Variants in ABCC9 observed in about 807,000 individuals in gnomAD.
The protein encoded by ABCC9 is ATP-binding cassette sub-family C member 9.
A neutral mutation model predicts 188.3 loss-of-function variants in ABCC9; 95 were observed. That is an observed-to-expected ratio of 0.50 (90% CI 0.43 to 0.60). The LOEUF is 0.60. ABCC9 is among the 20% of genes least tolerant of loss of function. The probability of loss-of-function intolerance (pLI) is 0.00; values close to 1 mark genes in which losing one functional copy is unlikely to be tolerated. For synonymous variants in ABCC9, 659 were observed against 652.7 expected (o/e 1.01, Z -0.15); for missense variants, 1,102 against 1,876.3 (o/e 0.59, Z 7.62).
intron 36 of ABCC9, among the ~76,000 whole-genome samples, chr12:21,811,149 C>T (rs1181599635): frequency 1.3e-5 from 2 of 152,010 alleles, no homozygotes; most frequent in Non-Finnish European, 2.9e-5. Context: ...TTATGAGATT[C>T]GATGGTTTTA....
At chr12:21,847,711 G>A (rs543940556) in intron 25 of ABCC9, among the ~76,000 whole-genome samples, 1 of 152,066 alleles carries the variant, frequency 6.6e-6, no homozygotes, top group Non-Finnish European at 1.5e-5. Context: ...ATCCTTCATG[G>A]CTATATTGTC....
intron 39 of ABCC9, among the ~76,000 whole-genome samples, chr12:21,803,122 C>T (rs1219470035): frequency 6.6e-6 from 1 of 151,680 alleles, no homozygotes; most frequent in Non-Finnish European, 1.5e-5. Flanking sequence ...ATTTTGGAGC[C>T]TAATGTTTAT....
rs942634173 is a variant in ABCC9 at position 21,834,820 on chromosome 12, C to T, written c.3566+3258G>A. On this transcript the variant is annotated intron_variant, in intron 30 of 39. Transcript: ENST00000261200. The stretch of plus-strand genomic sequence containing the variant: ...ACACACACACACACACACACACACA[C>T]ACACACAGTGCGCACATGAGGAGGG... 2.0e-5 allele frequency among the ~76,000 whole-genome samples: 3 copies of T among 150,678 alleles called. No individual in the cohort carries two copies. In the South Asian group the frequency reaches 6.3e-4, roughly 31 times the overall value.
rs11430045 is a variant in ABCC9 at position 21,829,191 on chromosome 12, CTTTTTTTTTTT to C, written c.3567-142_3567-132del. Reference sequence around the variant, plus strand: ...CATGGAATGATCAGTAAATAGATTTCTTTTTTTTTTTTTTTTTTTTTTTTTTTTCAGATGGA... The same window carrying C: ...CATGGAATGATCAGTAAATAGATTTCTTTTTTTTTTTTTTTTTCAGATGGA... On this transcript the variant is annotated intron_variant, in intron 30 of 39. Transcript: ENST00000261200. 4.6e-4 allele frequency: 105 copies of C among 230,696 alleles called. 1 individual carries two copies. The highest frequency in any genetic ancestry group is 1.4e-3 in the African/African-American group (30 of 21,822). 14.3% of individuals were successfully genotyped at this position (230,696 alleles called of 1,614,324 possible).
chr12:21,933,961 A>C, intron 3 of ABCC9, 38 bp from the exon 4 acceptor site: 1 of 1,611,894 alleles, frequency 6.2e-7, no homozygotes, highest in South Asian at 1.1e-5. Context: ...AAAAGACATA[A>C]ACCGAAGGCT....
intron 14 of ABCC9, among the ~76,000 whole-genome samples, chr12:21,892,794 T>G (rs964824538): frequency 2.0e-5 from 3 of 152,240 alleles, no homozygotes; most frequent in African/African-American, 7.2e-5. Context: ...GGCTTAAAAC[T>G]GAAGATTCTG....
At chr12:21,862,887 A>G (rs1268082451) in intron 20 of ABCC9, 66 bp downstream of exon 20, 1 of 1,063,708 alleles carries the variant, frequency 9.4e-7, no homozygotes, top group Non-Finnish European at 1.5e-6. Context: ...ACCATTGTTC[A>G]TTCCCAAACA....
At chr12:21,894,276 C>T (rs1947300951) in intron 13 of ABCC9, 102 bp from the exon 14 acceptor site, 2 of 1,284,528 alleles carry the variant, frequency 1.6e-6, no homozygotes, top group Non-Finnish European at 1.1e-6. Context: ...CCAGTATGTC[C>T]ATTGTAACTA....
chr12:21,915,402 G>A (rs1948534372), intron 7 of ABCC9, among the ~76,000 whole-genome samples: 1 of 125,900 alleles, frequency 7.9e-6, no homozygotes, highest in African/African-American at 2.9e-5. Flanking sequence ...ATATATGTAT[G>A]TGTATATAGA....
At chr12:21,894,003 C>T in intron 14 of ABCC9, 29 bp downstream of exon 14, 2 of 1,612,718 alleles carry the variant, frequency 1.2e-6, no homozygotes, top group Non-Finnish European at 1.7e-6. Context: ...TATCAATAAG[C>T]AAAAAATGCC....
rs1328692883 is a variant in ABCC9 at position 21,941,315 on chromosome 12, G to C, written c.-252C>G. The C allele has an allele frequency of 6.6e-6, 1 of 152,348 alleles. No homozygotes were observed. Among genetic ancestry groups the C allele is most frequent in the Non-Finnish European group, 1.5e-5 (1 of 68,118 alleles). The allele number at this position is 152,348 out of a possible 1,614,324, so 9.4% of individuals were successfully genotyped here. A position where few individuals can be genotyped will look rare whatever the true frequency, so the allele number is the denominator to read the frequency against. On this transcript the variant is annotated 5_prime_UTR_variant, in exon 1 of 40. Coordinates refer to ENST00000261200, the MANE Select transcript of ABCC9 (RefSeq NM_020297.4). This position sits in a 1 kb window ranked among gnomAD's most constrained non-coding sequence, Gnocchi z 5.4. ...ATCGAGTTTCTAAATTGCACAGACT[G>C]CTCTGGGCCGGGGCAGACACCGCGG...
Position 21,859,591 on chromosome 12 carries a change from A to G in ABCC9, c.2500T>C (p.Phe834Leu), listed in dbSNP as rs367776754. 11 of 1,613,788 alleles carry G rather than the reference A, an allele frequency of 6.8e-6. No homozygotes were observed. The African/African-American group carries it at 1.5e-4, about 22-fold the overall frequency. The change falls in exon 22 of 40, where the codon TTT (phenylalanine) becomes CTT (leucine). Residue 834 changes from phenylalanine to leucine, a missense_variant. Phe to Leu is a conservative substitution (Grantham distance 22). Transcript: ENST00000261200. ...RALYQNTNIV[F>L]LDDPFSALDI... ...AGGGAAGGCCATATTCTTACCAAAAAGACAATGTTGGTGTTTTGATACAGC... is the reference window on the plus strand; with the variant it reads ...AGGGAAGGCCATATTCTTACCAAAAGGACAATGTTGGTGTTTTGATACAGC...
At chr12:21,847,687 ATTCTAATT>A (rs59298022) in intron 25 of ABCC9, among the ~76,000 whole-genome samples, 81,482 of 151,186 alleles carry the variant, frequency 0.54, 22,541 homozygotes, top group African/African-American at 0.64. Context: ...AACAAATGGC[ATTCTAATT>A]TTCTTATCCT....
intron 12 of ABCC9, among the ~76,000 whole-genome samples, chr12:21,898,483 C>T (rs968097556): frequency 1.3e-5 from 2 of 152,168 alleles, no homozygotes; most frequent in African/African-American, 4.8e-5. Flanking sequence ...CTCCTTCCAA[C>T]TTTATGTCTA....
chr12:21,802,503 C>T (rs1239150389), intron 39 of ABCC9, among the ~76,000 whole-genome samples: 1 of 152,158 alleles, frequency 6.6e-6, no homozygotes, highest in Non-Finnish European at 1.5e-5. Flanking sequence ...CAGATGTTAT[C>T]ATTTCAATAT....
intron 22 of ABCC9, among the ~76,000 whole-genome samples, chr12:21,859,246 CT>C (rs1486329698): frequency 6.6e-6 from 1 of 152,056 alleles, no homozygotes; most frequent in East Asian, 1.9e-4. Flanking sequence ...TATTTTCTGG[CT>C]TTTTTTCTTT....
chr12:21,807,142 G>A lies in ABCC9; in HGVS notation c.4449+204C>T, dbSNP rs112652954. Reference sequence around the variant, plus strand: ...GCAAATTTATTTTATGTTGATTGGTGATAGGAATGCCTTTCAACCATATGT... The same window carrying A: ...GCAAATTTATTTTATGTTGATTGGTAATAGGAATGCCTTTCAACCATATGT... On this transcript the variant is annotated intron_variant, in intron 38 of 39. Coordinates refer to ENST00000261200, the MANE Select transcript of ABCC9 (RefSeq NM_020297.4). Among the ~76,000 whole-genome samples, 2,906 of 152,242 alleles carry A rather than the reference G, an allele frequency of 0.019. 87 individuals are homozygous for A. The highest frequency in any genetic ancestry group is 0.066 in the African/African-American group (2,743 of 41,532).
chr12:21,902,357 A>T (rs199762363), intron 12 of ABCC9, among the ~76,000 whole-genome samples: 5 of 151,240 alleles, frequency 3.3e-5, no homozygotes, highest in Admixed American at 6.6e-5. Context: ...AAAGATCTAA[A>T]ACGGACACCC....
intron 14 of ABCC9, 127 bp downstream of exon 14, chr12:21,893,905 A>G (rs1947285089): frequency 9.9e-7 from 1 of 1,010,464 alleles, no homozygotes; most frequent in Non-Finnish European, 1.4e-6. Context: ...GCATACCACA[A>G]TTTTAACAAT....
Sources: gnomAD v4.1 joint callset for allele counts (sites outside exome capture counted in the v4.1 genomes callset) on GRCh38, gnomAD v4.1.1 for gene constraint, Gnocchi (gnomAD v3.1) non-coding constraint, MANE v1.5 for transcripts, NCBI Gene and HGNC (gene_info 2026-07-23, HGNC 2026-07-21) for gene names.